ARHGEF16: variants seen among roughly 807,000 people sequenced by gnomAD.
ARHGEF16 encodes the protein Rho guanine exchange factor (GEF) 16.
A neutral mutation model predicts 74.1 loss-of-function variants in ARHGEF16; 59 were observed. The ratio of observed to expected loss-of-function variants is 0.80; its 90% confidence interval spans 0.65 to 0.99. The LOEUF (loss-of-function observed/expected upper bound fraction) is 0.99. Ranked by LOEUF, ARHGEF16 falls within the 50% of genes least tolerant of loss-of-function variation. The pLI, the probability that ARHGEF16 is intolerant of heterozygous loss-of-function variation, is 0.00. For synonymous variants in ARHGEF16, 415 were observed against 412.6 expected (o/e 1.01, Z -0.07); for missense variants, 948 against 986.6 (o/e 0.96, Z 0.52).
intron 4 of ARHGEF16, among the ~76,000 whole-genome samples, chr1:3,467,821 G>A (rs908770351): frequency 6.6e-5 from 10 of 152,184 alleles, no homozygotes; most frequent in African/African-American, 2.4e-4. Flanking sequence ...ATGCTTGGGG[G>A]AGATGGCTGC....
chr1:3,476,187 CTGGGGG>C, intron 10 of ARHGEF16, 125 bp downstream of exon 10: 3 of 975,048 alleles, frequency 3.1e-6, no homozygotes, highest in Non-Finnish European at 4.5e-6. Context: ...CTCATGAGGC[CTGGGGG>C]CTGGGCCTCC....
rs761415998 is a variant in ARHGEF16 at position 3,477,996 on chromosome 1, A to G, written c.1595A>G (p.Asn532Ser). Reference protein sequence around the residue: ...SRPTCYLFLFNDVLVVTKKKS... With the variant: ...SRPTCYLFLFSDVLVVTKKKS... ...CCAACGTGCTACCTTTTCCTGTTCAACGATGTCCTGGTTGTGACCAAGAAG... is the reference window on the plus strand; with the variant it reads ...CCAACGTGCTACCTTTTCCTGTTCAGCGATGTCCTGGTTGTGACCAAGAAG... The change falls in exon 11 of 15, where the codon AAC (asparagine) becomes AGC (serine). Residue 532 changes from asparagine to serine, a missense_variant. Coordinates refer to ENST00000378378, the MANE Select transcript of ARHGEF16 (RefSeq NM_014448.4). 19 of 1,612,590 alleles carry G rather than the reference A, an allele frequency of 1.2e-5. No individual in the cohort carries two copies. The East Asian group carries it at 4.2e-4, about 36-fold the overall frequency.
At chr1:3,477,110 G>A (rs955511490) in intron 10 of ARHGEF16, among the ~76,000 whole-genome samples, 2 of 151,834 alleles carry the variant, frequency 1.3e-5, no homozygotes, top group African/African-American at 2.4e-5. Context: ...GGTGGTGGCA[G>A]AGGCCGGGAG....
intron 1 of ARHGEF16, among the ~76,000 whole-genome samples, chr1:3,456,554 C>T (rs1639270759): frequency 6.6e-6 from 1 of 152,238 alleles, no homozygotes. Flanking sequence ...GGCCAGCAGT[C>T]CCACCCCCGC....
intron 10 of ARHGEF16, among the ~76,000 whole-genome samples, chr1:3,477,528 C>G (rs1332756697): frequency 6.6e-6 from 1 of 150,594 alleles, no homozygotes; most frequent in African/African-American, 2.5e-5. Context: ...GCCTAGGAGG[C>G]CCAGCGTCTG....
At chr1:3,456,512 T>C (rs1639269735) in intron 1 of ARHGEF16, among the ~76,000 whole-genome samples, 1 of 152,216 alleles carries the variant, frequency 6.6e-6, no homozygotes, top group African/African-American at 2.4e-5. Context: ...GGTCCCCATT[T>C]GGGGACAGCC....
rs1282889642 is a variant in ARHGEF16 at position 3,473,460 on chromosome 1, C to G, written c.1243C>G (p.Pro415Ala). 1 of 1,612,556 alleles carries G rather than the reference C, an allele frequency of 6.2e-7. No individual in the cohort carries two copies. Among genetic ancestry groups the G allele is most frequent in the Non-Finnish European group, 8.5e-7 (1 of 1,180,000 alleles). ...GAGGCGGCCGGCGTGCGGGGGCCTG[C>G]CCATGCTCTCCTTCCTGATCCTCCC... Reference protein sequence around the residue: ...IERRPACGGLPMLSFLILPMQ... With the variant: ...IERRPACGGLAMLSFLILPMQ... Residue 415 changes from proline to alanine, a missense_variant, in exon 8 of 15, where the codon CCC becomes GCC. By Grantham distance (27) the Pro-to-Ala change is conservative. Coordinates refer to ENST00000378378, the MANE Select transcript of ARHGEF16 (RefSeq NM_014448.4).
At chr1:3,465,488 G>A (rs1477768060) in intron 2 of ARHGEF16, among the ~76,000 whole-genome samples, 2 of 152,196 alleles carry the variant, frequency 1.3e-5, no homozygotes, top group African/African-American at 4.8e-5. Context: ...CGGGGCACGG[G>A]GCTGAGGGTG....
At chr1:3,457,613 A>C (rs941299547) in intron 1 of ARHGEF16, among the ~76,000 whole-genome samples, 43 of 152,232 alleles carry the variant, frequency 2.8e-4, no homozygotes, top group Non-Finnish European at 1.5e-5. Flanking sequence ...CGGCCCACCC[A>C]ACCAACACTG....
chr1:3,464,330 C>A (rs749161615), intron 2 of ARHGEF16, among the ~76,000 whole-genome samples: 2 of 152,204 alleles, frequency 1.3e-5, no homozygotes, highest in Non-Finnish European at 2.9e-5. Flanking sequence ...AGTCACCATC[C>A]CCTGCGGCTG....
intron 6 of ARHGEF16, among the ~76,000 whole-genome samples, chr1:3,470,106 T>G (rs1222821740): frequency 6.7e-6 from 1 of 149,434 alleles, no homozygotes; most frequent in African/African-American, 2.5e-5. Flanking sequence ...TGGGGTGGGG[T>G]GTGTGTGCGT....
chr1:3,468,955 G>A lies in ARHGEF16; in HGVS notation c.861+19G>A, dbSNP rs1193900787. On this transcript the variant is annotated intron_variant, in intron 5 of 14. Coordinates refer to ENST00000378378, the MANE Select transcript of ARHGEF16 (RefSeq NM_014448.4). ...GCAGGAGGTAAAAGGGCCCTGGGCG[G>A]GAGGGCTGTCCCCCATGGCCTGGGC... 1.3e-6 allele frequency: 2 copies of A among 1,549,380 alleles called. No homozygotes were observed. Among genetic ancestry groups the A allele is most frequent in the Admixed American group, 2.0e-5 (1 of 50,994 alleles).
rs887648280 is a variant in ARHGEF16 at position 3,479,547 on chromosome 1, C to A, written c.1845C>A (p.Leu615=). ...ASDRARWIVA[L]THSERQWQGL... ...ACCGGGCACGGTGGATCGTGGCGCTCACACACAGTGAGAGACAGTGGCAGG... is the reference window on the plus strand; with the variant it reads ...ACCGGGCACGGTGGATCGTGGCGCTAACACACAGTGAGAGACAGTGGCAGG... Residue 615 remains leucine (L), a synonymous_variant, in exon 13 of 15, where the codon CTC becomes CTA. Coordinates refer to ENST00000378378, the MANE Select transcript of ARHGEF16 (RefSeq NM_014448.4). 1 of 1,612,566 alleles carries A rather than the reference C, an allele frequency of 6.2e-7. No homozygotes were observed.
At chr1:3,478,211 G>C (rs1639948179) in intron 11 of ARHGEF16, 185 bp downstream of exon 11, 1 of 948,556 alleles carries the variant, frequency 1.1e-6, no homozygotes, top group East Asian at 2.5e-5. Flanking sequence ...TGCAGCCTCT[G>C]ACCTCCTCTG....
chr1:3,478,078 C>T (rs765109198), intron 11 of ARHGEF16, 52 bp downstream of exon 11: 26 of 1,609,036 alleles, frequency 1.6e-5, no homozygotes, highest in Admixed American at 1.0e-4. Flanking sequence ...GACACTGGAC[C>T]GCTGGCCCTG....
chr1:3,478,669 GA>G, intron 12 of ARHGEF16, 57 bp downstream of exon 12: 2 of 1,522,564 alleles, frequency 1.3e-6, no homozygotes, highest in Non-Finnish European at 1.8e-6. Context: ...GCTCCATGGG[GA>G]CCGGGTTGTC....
chr1:3,480,450 T>G lies in ARHGEF16; in HGVS notation c.1993T>G (p.Trp665Gly), dbSNP rs1228152822. ...CTCCCACCCCTATCCGGGTTCAGGG[T>G]GGCTCTATGGCGAGAGGCTCCGGGA... ...VVLVLQQEDG[W>G]LYGERLRDGE... Residue 665 changes from tryptophan (W) to glycine (G), a missense_variant and splice_region_variant, in exon 15 of 15, where the codon TGG becomes GGG. By Grantham distance (184) the Trp-to-Gly change is radical. Transcript: ENST00000378378. 1 of 1,612,428 alleles carries G rather than the reference T, an allele frequency of 6.2e-7. No homozygotes were observed. Among genetic ancestry groups the G allele is most frequent in the South Asian group, 1.1e-5 (1 of 91,074 alleles).
intron 1 of ARHGEF16, among the ~76,000 whole-genome samples, chr1:3,458,005 C>T (rs1639304379): frequency 6.6e-6 from 1 of 152,182 alleles, no homozygotes; most frequent in Admixed American, 6.5e-5. Context: ...GCTGCCCTGG[C>T]CCAGCCTCTG....
chr1:3,474,186 G>T (rs966105988), intron 8 of ARHGEF16: 2 of 193,558 alleles, frequency 1.0e-5, no homozygotes, highest in African/African-American at 4.6e-5. Context: ...TGCACACACA[G>T]GCACTGCACA....
Sources: gnomAD v4.1 joint callset for allele counts (sites outside exome capture counted in the v4.1 genomes callset) on GRCh38, gnomAD v4.1.1 for gene constraint, MANE v1.5 for transcripts, NCBI Gene and HGNC (gene_info 2026-07-23, HGNC 2026-07-21) for gene names.